Variants in RBBP4 observed in about 807,000 individuals in gnomAD.
RBBP4 encodes the protein RB binding protein 4, chromatin remodeling factor, also known as histone-binding protein RBBP4.
RBBP4 carries 3 observed loss-of-function variants against 57.2 expected under a neutral mutation model. The ratio of observed to expected loss-of-function variants is 0.05; its 90% CI spans 0.02 to 0.14. The LOEUF (loss-of-function observed/expected upper bound fraction) is 0.14, where lower values mean the gene tolerates loss of function less well. Ranked by LOEUF, RBBP4 falls within the 10% of genes least tolerant of loss-of-function variation. The pLI, the probability that RBBP4 is intolerant of heterozygous loss-of-function variation, is 1.00. For missense variants in RBBP4, 107 were observed against 520.6 expected, an observed-to-expected ratio of 0.21 and a Z score of 7.73; for synonymous variants, 151 against 171.5, an observed-to-expected ratio of 0.88 and a Z score of 0.93.
chr1:32,679,353 A>G (rs1395201453), intron 11 of RBBP4, among the ~76,000 whole-genome samples: 1 of 152,260 alleles, frequency 6.6e-6, no homozygotes, highest in Non-Finnish European at 1.5e-5. Flanking sequence ...TTGGCTATCA[A>G]GACAAATAGT....
At chr1:32,676,593 CAA>C (rs941948750) in intron 11 of RBBP4, among the ~76,000 whole-genome samples, 13 of 115,396 alleles carry the variant, frequency 1.1e-4, no homozygotes, top group Non-Finnish European at 1.2e-4. Flanking sequence ...ACATGGGCAA[CAA>C]GAGCAAAACT....
At chr1:32,651,656 T>C in intron 1 of RBBP4, 1 of 743,446 alleles carries the variant, frequency 1.3e-6, no homozygotes. Context: ...GTCGGGCTTG[T>C]GAGTTTCGGC....
chr1:32,651,750 T>C, intron 1 of RBBP4, 164 bp from the exon 2 acceptor site: 1 of 895,418 alleles, frequency 1.1e-6, no homozygotes, highest in Non-Finnish European at 1.7e-6. Flanking sequence ...GCCCGAGGAG[T>C]TTCGGCGCCG....
At chr1:32,668,718 G>C in intron 4 of RBBP4, 21 bp from the exon 5 acceptor site, 2 of 1,593,740 alleles carry the variant, frequency 1.3e-6, no homozygotes, top group Non-Finnish European at 8.6e-7. Flanking sequence ...GGGTAGTCTT[G>C]ATGTGTCTGT....
intron 8 of RBBP4, among the ~76,000 whole-genome samples, chr1:32,671,843 A>T (rs1557858894): frequency 6.6e-6 from 1 of 151,786 alleles, no homozygotes; most frequent in African/African-American, 2.4e-5. Flanking sequence ...CAGTGAGCTG[A>T]GATCCTGCCA....
chr1:32,657,430 A>G lies in RBBP4; in HGVS notation c.168A>G (p.Pro56=), dbSNP rs1291853554. ...TGACTATATATTGCCGTTACAGACC[A>G]GAAGGGAAAGATTTCAGCATTCATC... ...TAQWLPDVTR[P]EGKDFSIHRL... is the part of the protein sequence containing the mutation. Residue 56 remains proline, a synonymous_variant, in exon 3 of 12, where the codon CCA becomes CCG. Coordinates refer to ENST00000373493, the MANE Select transcript of RBBP4 (RefSeq NM_005610.3). 6.2e-7 allele frequency: 1 copy of G among 1,612,654 alleles called. No homozygotes were observed. The highest frequency in any genetic ancestry group is 1.1e-5 in the South Asian group (1 of 90,972).
At chr1:32,654,404 C>G (rs1648044458) in intron 2 of RBBP4, among the ~76,000 whole-genome samples, 1 of 152,230 alleles carries the variant, frequency 6.6e-6, no homozygotes, top group East Asian at 1.9e-4. Context: ...TGGCAGAGTA[C>G]TTAATGAGAA....
chr1:32,651,338 C>G lies in RBBP4; in HGVS notation c.16+16C>G. 1 of 1,453,478 alleles carries G rather than the reference C, an allele frequency of 6.9e-7. No homozygotes were observed. The highest frequency in any genetic ancestry group is 1.5e-5 in the African/African-American group (1 of 67,112). The allele number at this position is 1,453,478 out of a possible 1,614,324, so 90.0% of individuals were successfully genotyped here. On this transcript the variant is annotated intron_variant, in intron 1 of 11. Coordinates refer to ENST00000373493, the MANE Select transcript of RBBP4 (RefSeq NM_005610.3). ...GACAAGGAAGGTGAGGGTGCCGGGGCCGACCCAGGAGGGCAGTGGGTGCCT... is the reference window on the plus strand; with the variant it reads ...GACAAGGAAGGTGAGGGTGCCGGGGGCGACCCAGGAGGGCAGTGGGTGCCT...
intron 11 of RBBP4, among the ~76,000 whole-genome samples, chr1:32,678,263 G>A (rs762765614): frequency 2.0e-5 from 3 of 152,040 alleles, no homozygotes; most frequent in Non-Finnish European, 4.4e-5. Context: ...ACGAAGTCTT[G>A]CCCCCCAGGC....
chr1:32,652,047 T>C lies in RBBP4; in HGVS notation c.150T>C (p.Leu50=), dbSNP rs1186602533. 6.2e-7 allele frequency: 1 copy of C among 1,613,570 alleles called. No individual in the cohort carries two copies. Among genetic ancestry groups the C allele is most frequent in the South Asian group, 1.1e-5 (1 of 91,034 alleles). ...LEWPSLTAQW[L]PDVTRPEGKD... ...GGCCCAGCCTAACTGCCCAGTGGCT[T>C]CCAGATGTAACCAGGTGACATGACT... The change falls in exon 2 of 12, where the codon CTT becomes CTC. Residue 50 remains leucine (L), a synonymous_variant. Coordinates refer to ENST00000373493, the MANE Select transcript of RBBP4 (RefSeq NM_005610.3).
chr1:32,651,741 C>A, intron 1 of RBBP4, 173 bp from the exon 2 acceptor site: 3 of 859,006 alleles, frequency 3.5e-6, no homozygotes, highest in African/African-American at 1.7e-5. Context: ...GCGGGGATGG[C>A]CCGAGGAGTT....
At position 32,669,082 on chromosome 1, in the gene RBBP4, A is replaced by C; in HGVS notation, c.711A>C (p.Leu237=). The change falls in exon 6 of 12, where the codon CTA becomes CTC. Residue 237 remains leucine (L), a synonymous_variant. Coordinates refer to ENST00000373493, the MANE Select transcript of RBBP4 (RefSeq NM_005610.3). This position sits in a 1 kb window ranked among gnomAD's most constrained non-coding sequence, Gnocchi z 4.9. ...TAGTAGAAGATGTTTCCTGGCATCT[A>C]CTCCATGAGTCTCTGTTTGGGTCAG... ...TAVVEDVSWH[L]LHESLFGSVA... is the part of the protein sequence containing the mutation. The C allele has an allele frequency of 2.5e-6, 4 of 1,614,126 alleles. No homozygotes were observed. The African/African-American group carries it at 4.0e-5, about 16-fold the overall frequency.
chr1:32,651,688 G>C (rs1647694108), intron 1 of RBBP4: 1 of 751,442 alleles, frequency 1.3e-6, no homozygotes, highest in Middle Eastern at 4.0e-4. Flanking sequence ...TGCTCCGAAG[G>C]CCTGGCTGGC....
chr1:32,662,635 A>C (rs1449880351), intron 3 of RBBP4, among the ~76,000 whole-genome samples: 1 of 151,504 alleles, frequency 6.6e-6, no homozygotes, highest in East Asian at 2.0e-4. Context: ...CAGCCTCCCA[A>C]AGTGCTGGGA....
chr1:32,659,538 C>CA (rs11414138), intron 3 of RBBP4, among the ~76,000 whole-genome samples: 123,234 of 146,360 alleles, frequency 0.84, 53,395 homozygotes, highest in Non-Finnish European at 0.95. Flanking sequence ...CCAGCCTGGG[C>CA]AAAAAAAAAA....
In RBBP4 at chr1:32,680,574, C is replaced by G; in HGVS notation, c.*869C>G. The G allele has an allele frequency of 6.6e-7, 1 of 1,517,286 alleles. No individual in the cohort carries two copies. The allele number at this position is 1,517,286 out of a possible 1,614,324, so 94.0% of individuals were successfully genotyped here. On this transcript the variant is annotated 3_prime_UTR_variant, in exon 12 of 12. Transcript: ENST00000373493. ...TGATGCCATCTCCATTTTGGGTGAC[C>G]TGTTTCACCAGCAGGCCTGTTACTC...
At chr1:32,651,744 G>C in intron 1 of RBBP4, 170 bp from the exon 2 acceptor site, 1 of 868,572 alleles carries the variant, frequency 1.2e-6, no homozygotes, top group Non-Finnish European at 1.7e-6. Context: ...GGGATGGCCC[G>C]AGGAGTTTCG....
intron 2 of RBBP4, among the ~76,000 whole-genome samples, chr1:32,652,799 G>A (rs1412645816): frequency 1.3e-5 from 2 of 152,160 alleles, no homozygotes; most frequent in Non-Finnish European, 2.9e-5. Context: ...GCCCGCCTCT[G>A]CCTCCCAAAG....
chr1:32,673,541 G>A (rs1205399298), intron 11 of RBBP4: 3 of 399,848 alleles, frequency 7.5e-6, no homozygotes, highest in South Asian at 3.6e-5. Flanking sequence ...AGGTTCGATC[G>A]ATTCTCCTGC....
Sources: allele counts gnomAD v4.1 joint callset (sites outside exome capture counted in the v4.1 genomes callset), GRCh38; gene constraint gnomAD v4.1.1; non-coding constraint Gnocchi (gnomAD v3.1); transcripts MANE v1.5; gene names NCBI Gene and HGNC (gene_info 2026-07-23, HGNC 2026-07-21).